The following RSPH9 variants were observed in gnomAD, a reference collection of about 807,000 sequenced individuals.
RSPH9 encodes radial spoke head protein 9 homolog.
In RSPH9, 27 loss-of-function variants were observed where a neutral mutation model predicts 27.0. That is an observed-to-expected ratio of 1.00 (90% CI 0.74 to 1.38). RSPH9 has a LOEUF of 1.38. Among genes scored for constraint, RSPH9 ranks in the 40% most tolerant of loss-of-function variants. The pLI, the probability that RSPH9 is intolerant of heterozygous loss-of-function variation, is 0.00. For synonymous variants in RSPH9, 145 were observed against 147.7 expected (o/e 0.98, Z 0.13); for missense variants, 347 against 357.4 (o/e 0.97, Z 0.24).
In RSPH9 at chr6:43,671,439, C is replaced by T. The variant is rs1465342438; in HGVS notation, c.*490C>T. On this transcript the variant is annotated 3_prime_UTR_variant, in exon 5 of 5. Coordinates refer to ENST00000372163, the MANE Select transcript of RSPH9 (RefSeq NM_152732.5). ...CCCCCTGCACTTCCCAAGCAGTGAG[C>T]GCACACCCAATGGGTAAGCCCATGA... 6.8e-6 allele frequency: 3 copies of T among 439,004 alleles called. No individual in the cohort carries two copies. The highest frequency in any genetic ancestry group is 3.8e-5 in the Admixed American group (1 of 26,094). 27.2% of individuals were successfully genotyped at this position (439,004 alleles called of 1,614,324 possible). A position where few individuals can be genotyped will look rare whatever the true frequency, so the allele number is the denominator to read the frequency against.
intron 2 of RSPH9, among the ~76,000 whole-genome samples, chr6:43,652,899 G>T (rs913980387): frequency 6.6e-6 from 1 of 152,026 alleles, no homozygotes; most frequent in Non-Finnish European, 1.5e-5. Flanking sequence ...GCTCACTGCA[G>T]CCTCCATTCC....
At chr6:43,657,924 A>G (rs1392937924) in intron 4 of RSPH9, among the ~76,000 whole-genome samples, 3 of 152,226 alleles carry the variant, frequency 2.0e-5, no homozygotes, top group Non-Finnish European at 4.4e-5. Context: ...TTTGGATGCA[A>G]GAATTAAATG....
At chr6:43,654,107 T>C (rs1561939222) in intron 2 of RSPH9, among the ~76,000 whole-genome samples, 1 of 152,258 alleles carries the variant, frequency 6.6e-6, no homozygotes, top group Non-Finnish European at 1.5e-5. Context: ...TCAGCACTTA[T>C]TAAAGCTTAG....
intron 4 of RSPH9, among the ~76,000 whole-genome samples, chr6:43,668,622 G>A (rs1773394282): frequency 6.6e-6 from 1 of 152,248 alleles, no homozygotes; most frequent in African/African-American, 2.4e-5. Context: ...AGGCAGGCAG[G>A]CTGGTGTGAG....
rs774281454 is a variant in RSPH9 at position 43,670,843 on chromosome 6, T to C, written c.725T>C (p.Leu242Pro). 6.2e-7 allele frequency: 1 copy of C among 1,614,218 alleles called. No individual in the cohort carries two copies. Among genetic ancestry groups the C allele is most frequent in the Non-Finnish European group, 8.5e-7 (1 of 1,180,042 alleles). The change falls in exon 5 of 5, where the codon CTG (leucine) becomes CCG (proline). Residue 242 changes from leucine (L) to proline (P), a missense_variant. Leu to Pro is a moderately conservative substitution (Grantham distance 98, BLOSUM62 -3). Transcript: ENST00000372163. The part of the protein sequence containing the change: ...RGNALVVLRS[L>P]LWPGLTFYHA... ...AATGCCCTGGTGGTGCTGCGCAGCC[T>C]GCTCTGGCCGGGCCTCACCTTCTAC...
At chr6:43,662,081 T>C (rs1196709886) in intron 4 of RSPH9, among the ~76,000 whole-genome samples, 3 of 152,122 alleles carry the variant, frequency 2.0e-5, no homozygotes, top group Non-Finnish European at 4.4e-5. Flanking sequence ...GGTCTCCCTA[T>C]GTTGCCCAGG....
chr6:43,653,944 A>G (rs1771755597), intron 2 of RSPH9, among the ~76,000 whole-genome samples: 1 of 152,088 alleles, frequency 6.6e-6, no homozygotes, highest in South Asian at 2.1e-4. Flanking sequence ...TGCCCACCTC[A>G]GCCTCCCAAA....
chr6:43,665,977 C>A (rs1378092399), intron 4 of RSPH9, among the ~76,000 whole-genome samples: 1 of 152,062 alleles, frequency 6.6e-6, no homozygotes, highest in Admixed American at 6.6e-5. Flanking sequence ...AGGTGTGGAC[C>A]ACCATGCCTG....
chr6:43,668,458 C>T (rs1406543032), intron 4 of RSPH9, among the ~76,000 whole-genome samples: 1 of 152,122 alleles, frequency 6.6e-6, no homozygotes, highest in Non-Finnish European at 1.5e-5. Context: ...CTGCCCCCTG[C>T]CAGGCGGGGG....
chr6:43,662,569 A>G (rs938179950), intron 4 of RSPH9, among the ~76,000 whole-genome samples: 4 of 151,852 alleles, frequency 2.6e-5, no homozygotes, highest in Admixed American at 6.6e-5. Context: ...GGGTTTCACC[A>G]TGTTAGCCAG....
chr6:43,660,602 T>G (rs2127918903), intron 4 of RSPH9, among the ~76,000 whole-genome samples: 1 of 152,270 alleles, frequency 6.6e-6, no homozygotes, highest in Admixed American at 6.5e-5. Flanking sequence ...TAGCTGGGAC[T>G]ACAGGCGCCC....
chr6:43,665,499 T>C (rs532755501), intron 4 of RSPH9, among the ~76,000 whole-genome samples: 5 of 152,212 alleles, frequency 3.3e-5, no homozygotes, highest in Non-Finnish European at 5.9e-5. Context: ...ATGTGTCCAG[T>C]TGGCAAGTGA....
At chr6:43,647,435 C>A (rs1432862037) in intron 1 of RSPH9, among the ~76,000 whole-genome samples, 1 of 152,042 alleles carries the variant, frequency 6.6e-6, no homozygotes, top group Non-Finnish European at 1.5e-5. Context: ...ATGAATGAGG[C>A]CTGAAAGGAA....
intron 1 of RSPH9, 49 bp downstream of exon 1, chr6:43,645,374 C>T (rs777954373): frequency 2.7e-5 from 5 of 182,852 alleles, no homozygotes; most frequent in Admixed American, 1.3e-4. Context: ...TACCTGGAGG[C>T]AGGGCGGGGT....
At chr6:43,655,991 T>G (rs1002259706) in intron 3 of RSPH9, among the ~76,000 whole-genome samples, 2 of 91,474 alleles carry the variant, frequency 2.2e-5, no homozygotes, top group African/African-American at 4.2e-5. Flanking sequence ...TCCTTGGACT[T>G]CCTTCCTTCC....
At chr6:43,665,983 G>A (rs58629982) in intron 4 of RSPH9, among the ~76,000 whole-genome samples, 1,873 of 152,136 alleles carry the variant, frequency 0.012, 36 homozygotes, top group African/African-American at 0.041. Context: ...GGACCACCAT[G>A]CCTGGCTAGT....
chr6:43,671,238 G>A lies in RSPH9; in HGVS notation c.*289G>A, dbSNP rs566610336. 9.3e-6 allele frequency: 5 copies of A among 540,104 alleles called. No individual in the cohort carries two copies. The East Asian group carries it at 9.6e-5, about 10-fold the overall frequency. The allele number at this position is 540,104 out of a possible 1,614,324, so 33.5% of individuals were successfully genotyped here. ...CAGTTTCTTGGATTCACACGAGAGC[G>A]GCAAGTGTGTCAGGCAGCCCACCTT... On this transcript the variant is annotated 3_prime_UTR_variant, in exon 5 of 5. Transcript: ENST00000372163.
intron 4 of RSPH9, among the ~76,000 whole-genome samples, chr6:43,666,080 C>G (rs1310264916): frequency 6.6e-6 from 1 of 152,210 alleles, no homozygotes; most frequent in Non-Finnish European, 1.5e-5. Context: ...CCCACCTCAG[C>G]CTCCCAAAGT....
chr6:43,654,269 T>C (rs1339838445), intron 2 of RSPH9, among the ~76,000 whole-genome samples: 1 of 152,214 alleles, frequency 6.6e-6, no homozygotes, highest in East Asian at 1.9e-4. Flanking sequence ...TTGCCCTAGA[T>C]AGTAATTGTA....
Sources: allele counts gnomAD v4.1 joint callset (sites outside exome capture counted in the v4.1 genomes callset), GRCh38; gene constraint gnomAD v4.1.1; transcripts MANE v1.5; gene names NCBI Gene and HGNC (gene_info 2026-07-23, HGNC 2026-07-21).